PCBP3: variants seen among roughly 807,000 people sequenced by gnomAD.
The protein encoded by PCBP3 is poly(rC) binding protein 3.
PCBP3 carries 25 observed loss-of-function variants against 52.7 expected under a neutral mutation model. That is an observed-to-expected ratio of 0.47 (90% confidence interval 0.35 to 0.66). PCBP3 has a LOEUF of 0.66. Ranked by LOEUF, PCBP3 falls within the 30% of genes least tolerant of loss-of-function variation. The pLI is 0.01. For synonymous variants in PCBP3, 162 were observed against 183.0 expected (o/e 0.89, Z 0.93); for missense variants, 391 against 490.3 (o/e 0.80, Z 1.91).
At chr21:45,874,993 C>T (rs1273974007) in intron 5 of PCBP3, among the ~76,000 whole-genome samples, 2 of 152,204 alleles carry the variant, frequency 1.3e-5, no homozygotes, top group Non-Finnish European at 2.9e-5. Flanking sequence ...TGGGCCAGCC[C>T]CCTGTCCAAG....
rs1178724567 is a variant in PCBP3, at chr21:45,736,243, C to T, written c.-162+814C>T. On this transcript the variant is annotated intron_variant, in intron 3 of 17. Coordinates refer to ENST00000681687, the MANE Select transcript of PCBP3 (RefSeq NM_001384156.1). The surrounding 1 kb of genome is among the most constrained non-coding windows in gnomAD (Gnocchi z 4.6). ...CCCCTTTGAGATAGGGATTGTTATT[C>T]CCTGAGGCTTGGCGAGGTGAAGTAA... Among the ~76,000 whole-genome samples, 2 of 152,194 alleles carry T rather than the reference C, an allele frequency of 1.3e-5. No individual in the cohort carries two copies. Among genetic ancestry groups the T allele is most frequent in the African/African-American group, 4.8e-5 (2 of 41,446 alleles).
chr21:45,909,138 T>C (rs938227364), intron 9 of PCBP3, among the ~76,000 whole-genome samples: 3 of 151,846 alleles, frequency 2.0e-5, no homozygotes, highest in African/African-American at 7.3e-5. Flanking sequence ...ACGGTGACCA[T>C]CCTGCCTTGC....
chr21:45,918,704 C>T (rs2073935150), intron 13 of PCBP3: 1 of 149,570 alleles, frequency 6.7e-6, no homozygotes, highest in African/African-American at 2.6e-5. Context: ...AAGTTACTCT[C>T]AGATAAACCG....
chr21:45,866,170 G>A (rs1323965460), intron 5 of PCBP3, among the ~76,000 whole-genome samples: 1 of 152,364 alleles, frequency 6.6e-6, no homozygotes, highest in East Asian at 1.9e-4. Context: ...TTCTGGATCT[G>A]TAAATTCTCA....
chr21:45,823,994 G>A (rs113003900), intron 4 of PCBP3, among the ~76,000 whole-genome samples: 1 of 152,084 alleles, frequency 6.6e-6, no homozygotes, highest in Non-Finnish European at 1.5e-5. Flanking sequence ...CACCCGCCTT[G>A]GCCTCCCAAA....
At chr21:45,868,051 G>A (rs1373020990) in intron 5 of PCBP3, among the ~76,000 whole-genome samples, 1 of 152,282 alleles carries the variant, frequency 6.6e-6, no homozygotes, top group African/African-American at 2.4e-5. Context: ...CGGAGGCGCA[G>A]TGGGCCCGTC....
chr21:45,887,667 G>A (rs2095553641), intron 5 of PCBP3, among the ~76,000 whole-genome samples: 1 of 152,226 alleles, frequency 6.6e-6, no homozygotes, highest in African/African-American at 2.4e-5. Context: ...GCCATTCCGG[G>A]CACCTACTTT....
chr21:45,795,230 G>A (rs547286683), intron 4 of PCBP3, among the ~76,000 whole-genome samples: 4 of 151,792 alleles, frequency 2.6e-5, no homozygotes, highest in Non-Finnish European at 4.4e-5. Context: ...CAGAATGTCC[G>A]TATGTTTACG....
At chr21:45,698,312 G>C (rs1425861947) in intron 2 of PCBP3, among the ~76,000 whole-genome samples, 1 of 152,206 alleles carries the variant, frequency 6.6e-6, no homozygotes, top group African/African-American at 2.4e-5. Context: ...ACCTGACACT[G>C]TATGGCATTG....
At chr21:45,693,178 A>G (rs1159772875) in intron 2 of PCBP3, among the ~76,000 whole-genome samples, 1 of 152,138 alleles carries the variant, frequency 6.6e-6, no homozygotes, top group Non-Finnish European at 1.5e-5. Flanking sequence ...AGCTAACTTC[A>G]TACTCAAAGG....
intron 4 of PCBP3, among the ~76,000 whole-genome samples, chr21:45,767,680 TG>T (rs2089477393): frequency 6.6e-6 from 1 of 152,160 alleles, no homozygotes; most frequent in Non-Finnish European, 1.5e-5. Context: ...AAATGGGGCA[TG>T]GGGAGGTAAA....
At chr21:45,834,914 G>A (rs939065529) in intron 4 of PCBP3, among the ~76,000 whole-genome samples, 4 of 152,212 alleles carry the variant, frequency 2.6e-5, no homozygotes, top group South Asian at 2.1e-4. Context: ...GCAGGAATGG[G>A]GAGGCACCGT....
chr21:45,695,519 T>A (rs1041116921), intron 2 of PCBP3, among the ~76,000 whole-genome samples: 2 of 152,198 alleles, frequency 1.3e-5, no homozygotes, highest in Admixed American at 1.3e-4. Flanking sequence ...TGCCTGAATC[T>A]CAGACTTGTT....
intron 2 of PCBP3, among the ~76,000 whole-genome samples, chr21:45,716,674 A>G (rs1569146442): frequency 6.6e-6 from 1 of 152,144 alleles, no homozygotes. Context: ...AAATATAGTG[A>G]TTTGGGGGAT....
intron 4 of PCBP3, among the ~76,000 whole-genome samples, chr21:45,818,249 C>T (rs2093026615): frequency 6.6e-6 from 1 of 152,142 alleles, no homozygotes; most frequent in African/African-American, 2.4e-5. Flanking sequence ...TCTCGATCTC[C>T]TGACCTCATG....
At chr21:45,667,012 T>C (rs893281035) in intron 1 of PCBP3, among the ~76,000 whole-genome samples, 3 of 151,780 alleles carry the variant, frequency 2.0e-5, no homozygotes, top group Non-Finnish European at 4.4e-5. Context: ...TTATAATCCT[T>C]TCATATATTC....
intron 3 of PCBP3, among the ~76,000 whole-genome samples, 173 bp from the exon 4 acceptor site, chr21:45,755,244 G>A (rs1569185916): frequency 6.6e-6 from 1 of 152,176 alleles, no homozygotes; most frequent in Non-Finnish European, 1.5e-5. Flanking sequence ...TGATACTTCT[G>A]AGATGCATTC....
Position 45,837,079 on chromosome 21 carries a change from GGTGAACTTTC to G in PCBP3, c.-125-12881_-125-12872del, listed in dbSNP as rs2147905026. On this transcript the variant is annotated intron_variant, in intron 4 of 17. Transcript: ENST00000681687. The surrounding 1 kb of genome is among the most constrained non-coding windows in gnomAD (Gnocchi z 4.1). ...TTGCTGCATCATAAAGTCTGTGAAAGGTGAACTTTCAGGAACTTTCAGGACCATGTCAGTT... is the reference window on the plus strand; with the variant it reads ...TTGCTGCATCATAAAGTCTGTGAAAGAGGAACTTTCAGGACCATGTCAGTT... Among the ~76,000 whole-genome samples the G allele has an allele frequency of 6.6e-6, 1 of 152,320 alleles. No individual in the cohort carries two copies. Among genetic ancestry groups the G allele is most frequent in the East Asian group, 1.9e-4 (1 of 5,186 alleles).
At chr21:45,785,810 A>G (rs1436235727) in intron 4 of PCBP3, among the ~76,000 whole-genome samples, 2 of 150,016 alleles carry the variant, frequency 1.3e-5, no homozygotes, top group African/African-American at 5.0e-5. Context: ...CTGCCTTGGG[A>G]TCCTGTTGAT....
Sources: allele counts gnomAD v4.1 joint callset (sites outside exome capture counted in the v4.1 genomes callset), GRCh38; gene constraint gnomAD v4.1.1; non-coding constraint Gnocchi (gnomAD v3.1); transcripts MANE v1.5; gene names NCBI Gene and HGNC (gene_info 2026-07-23, HGNC 2026-07-21).